GRM7: variants seen among roughly 807,000 people sequenced by gnomAD.
The protein encoded by GRM7 is metabotropic glutamate receptor 7.
Under a neutral mutation model 84.5 loss-of-function variants are expected in GRM7, and 35 were observed. The ratio of observed to expected loss-of-function variants is 0.41; its 90% CI spans 0.32 to 0.55. The LOEUF is 0.55. Among genes scored for constraint, GRM7 ranks in the 20% least tolerant of loss-of-function variants. GRM7 has a pLI of 0.19. For missense variants in GRM7, 1,003 were observed against 1,194.6 expected, an observed-to-expected ratio of 0.84 and a Z score of 2.36; for synonymous variants, 487 against 455.1, an observed-to-expected ratio of 1.07 and a Z score of -0.89.
At chr3:7,246,079 T>C (rs1385079519) in intron 2 of GRM7, among the ~76,000 whole-genome samples, 2 of 152,158 alleles carry the variant, frequency 1.3e-5, no homozygotes, top group South Asian at 4.1e-4. Context: ...TTTGACTGCA[T>C]CTTTAACACA....
chr3:7,364,739 G>A (rs1323180581), intron 4 of GRM7, among the ~76,000 whole-genome samples: 3 of 151,866 alleles, frequency 2.0e-5, no homozygotes, highest in Admixed American at 6.6e-5. Context: ...GTGGAATGCT[G>A]TAATCCTGCT....
At chr3:6,865,222 G>T (rs1007127143) in intron 1 of GRM7, among the ~76,000 whole-genome samples, 1 of 152,284 alleles carries the variant, frequency 6.6e-6, no homozygotes, top group Admixed American at 6.5e-5. Context: ...AAGATTAAAC[G>T]TAAATTAATA....
At position 6,861,268 on chromosome 3, in the gene GRM7, T is replaced by A; in HGVS notation, c.-121T>A. 7 of 731,048 alleles carry A rather than the reference T, an allele frequency of 9.6e-6. No individual in the cohort carries two copies. The highest frequency in any genetic ancestry group is 1.2e-5 in the Non-Finnish European group (6 of 514,796). The allele number at this position is 731,048 out of a possible 1,614,324, so 45.3% of individuals were successfully genotyped here. A position where few individuals can be genotyped will look rare whatever the true frequency, so the allele number is the denominator to read the frequency against. Reference sequence around the variant, plus strand: ...CGCCCCTCCCCGGATTCCCCCACCCTCCGTGCCTGCAGGAGCCCCTGGGCT... The same window carrying A: ...CGCCCCTCCCCGGATTCCCCCACCCACCGTGCCTGCAGGAGCCCCTGGGCT... On this transcript the variant is annotated 5_prime_UTR_variant, in exon 1 of 10. Coordinates refer to ENST00000357716, the MANE Select transcript of GRM7 (RefSeq NM_000844.4). The surrounding 1 kb of genome is among the most constrained non-coding windows in gnomAD (Gnocchi z 6.4).
intron 8 of GRM7, among the ~76,000 whole-genome samples, chr3:7,660,181 T>C (rs1288841479): frequency 6.6e-6 from 1 of 152,264 alleles, no homozygotes; most frequent in Non-Finnish European, 1.5e-5. Context: ...ACTGTAATTT[T>C]TTTAATGGTG....
chr3:6,986,164 G>A (rs897396743), intron 1 of GRM7, among the ~76,000 whole-genome samples: 15 of 152,110 alleles, frequency 9.9e-5, no homozygotes, highest in African/African-American at 3.1e-4. Context: ...TTACAAATTT[G>A]CTAAGAGGAT....
At chr3:7,020,263 G>A (rs566646800) in intron 1 of GRM7, among the ~76,000 whole-genome samples, 1 of 152,314 alleles carries the variant, frequency 6.6e-6, no homozygotes, top group South Asian at 2.1e-4. Flanking sequence ...TGAAAAGCCT[G>A]TATACTGTAT....
At chr3:7,065,013 T>G (rs1697602085) in intron 1 of GRM7, among the ~76,000 whole-genome samples, 1 of 152,024 alleles carries the variant, frequency 6.6e-6, no homozygotes, top group Non-Finnish European at 1.5e-5. Context: ...GTTCATGTCC[T>G]TAGCCCACTT....
chr3:7,596,640 C>T (rs1696058797), intron 8 of GRM7, among the ~76,000 whole-genome samples: 1 of 152,140 alleles, frequency 6.6e-6, no homozygotes, highest in Non-Finnish European at 1.5e-5. Flanking sequence ...TTTTCAAATG[C>T]TGCTTAGAAG....
chr3:7,627,033 G>A (rs940536951), intron 8 of GRM7, among the ~76,000 whole-genome samples: 1 of 151,376 alleles, frequency 6.6e-6, no homozygotes. Flanking sequence ...TATCACTGAA[G>A]CCTTAATTCA....
intron 9 of GRM7, among the ~76,000 whole-genome samples, chr3:7,721,770 T>C (rs1284526173): frequency 2.0e-5 from 3 of 152,236 alleles, no homozygotes; most frequent in Non-Finnish European, 4.4e-5. Flanking sequence ...GACATGGTTG[T>C]ATGCAAGACT....
chr3:7,229,760 T>TATATATATATATATATATA (rs68069165), intron 2 of GRM7, among the ~76,000 whole-genome samples: 23 of 23,510 alleles, frequency 9.8e-4, no homozygotes, highest in Admixed American at 1.7e-3. Flanking sequence ...TATATATATA[T>TATATATATATATATATATA]TTTTTTTTTT....
At chr3:7,700,856 A>G (rs1701201549) in intron 9 of GRM7, among the ~76,000 whole-genome samples, 1 of 152,226 alleles carries the variant, frequency 6.6e-6, no homozygotes, top group Non-Finnish European at 1.5e-5. Context: ...AAGAGGTAAG[A>G]AAGAAATTCA....
At chr3:7,256,283 T>C (rs1038114694) in intron 2 of GRM7, among the ~76,000 whole-genome samples, 1 of 152,220 alleles carries the variant, frequency 6.6e-6, no homozygotes, top group East Asian at 1.9e-4. Context: ...CTATAGAGGA[T>C]TGTATTTTTC....
rs182435049 is a variant in GRM7 at position 7,365,784 on chromosome 3, G to C, written c.1034-49239G>C. Among the ~76,000 whole-genome samples, 623 of 149,962 alleles carry C rather than the reference G, an allele frequency of 4.2e-3. 3 individuals are homozygous for C. Among genetic ancestry groups the C allele is most frequent in the Non-Finnish European group, 5.1e-3 (342 of 67,196 alleles). On this transcript the variant is annotated intron_variant, in intron 4 of 9. Coordinates refer to ENST00000357716, the MANE Select transcript of GRM7 (RefSeq NM_000844.4). ...ATAGCCTCTTTCACAATATTTTATAGCTTCTTTCACACTTGCGGTTTATAA... is the reference window on the plus strand; with the variant it reads ...ATAGCCTCTTTCACAATATTTTATACCTTCTTTCACACTTGCGGTTTATAA...
At chr3:7,451,076 A>C (rs79234181) in intron 5 of GRM7, among the ~76,000 whole-genome samples, 1 of 152,160 alleles carries the variant, frequency 6.6e-6, no homozygotes, top group Non-Finnish European at 1.5e-5. Context: ...TTGTTTCTTC[A>C]CTACACAAAT....
intron 2 of GRM7, among the ~76,000 whole-genome samples, chr3:7,288,857 GA>G (rs1225562894): frequency 6.6e-6 from 1 of 152,110 alleles, no homozygotes; most frequent in East Asian, 1.9e-4. Context: ...GAAGTGTAAT[GA>G]AATAGCGTAT....
At chr3:7,613,514 G>A (rs955065686) in intron 8 of GRM7, among the ~76,000 whole-genome samples, 7 of 152,114 alleles carry the variant, frequency 4.6e-5, no homozygotes, top group African/African-American at 1.7e-4. Flanking sequence ...CTTCTCCCAG[G>A]GCAGGGAAGT....
At chr3:7,222,907 A>G (rs1696857858) in intron 2 of GRM7, among the ~76,000 whole-genome samples, 1 of 152,204 alleles carries the variant, frequency 6.6e-6, no homozygotes, top group Non-Finnish European at 1.5e-5. Context: ...TGGACTGTGT[A>G]AGAATATTTA....
intron 1 of GRM7, among the ~76,000 whole-genome samples, chr3:7,042,790 A>T (rs1218196212): frequency 3.3e-5 from 5 of 152,000 alleles, no homozygotes; most frequent in Non-Finnish European, 7.4e-5. Context: ...GATTCATTTC[A>T]ATTGATTTAT....
Sources: gnomAD v4.1 joint callset for allele counts (sites outside exome capture counted in the v4.1 genomes callset) on GRCh38, gnomAD v4.1.1 for gene constraint, Gnocchi (gnomAD v3.1) non-coding constraint, MANE v1.5 for transcripts, NCBI Gene and HGNC (gene_info 2026-07-23, HGNC 2026-07-21) for gene names.